ZFPM2: variants seen among roughly 807,000 people sequenced by gnomAD.
ZFPM2 encodes zinc finger protein ZFPM2.
ZFPM2 carries 20 observed loss-of-function variants against 98.6 expected under a neutral mutation model. That is an observed-to-expected ratio of 0.20 (90% CI 0.14 to 0.29). The LOEUF (loss-of-function observed/expected upper bound fraction) is 0.29, where lower values mean the gene tolerates loss of function less well. Among genes scored for constraint, ZFPM2 ranks in the 10% least tolerant of loss-of-function variants. ZFPM2 has a pLI of 1.00. For synonymous variants in ZFPM2, 518 were observed against 502.7 expected (o/e 1.03, Z -0.41); for missense variants, 1,310 against 1,388.6 (o/e 0.94, Z 0.90).
rs540503064 is a variant in ZFPM2 at position 105,560,076 on chromosome 8, C to T, written c.302-1287C>T. Among the ~76,000 whole-genome samples, 41 of 150,802 alleles carry T rather than the reference C, an allele frequency of 2.7e-4. 2 individuals are homozygous for T. In the South Asian group the frequency reaches 8.6e-3, roughly 32 times the overall value. The stretch of plus-strand genomic sequence containing the variant: ...ACAAAATTAGCCGGACCTGATGGCG[C>T]TTTGCCTGTAATCTCAGCTATCTGG... On this transcript the variant is annotated intron_variant, in intron 3 of 7. Coordinates refer to ENST00000407775, the MANE Select transcript of ZFPM2 (RefSeq NM_012082.4).
At chr8:105,381,738 CAAAGATAGCCTCTGG>C (rs1367638892) in intron 1 of ZFPM2, among the ~76,000 whole-genome samples, 1 of 152,052 alleles carries the variant, frequency 6.6e-6, no homozygotes, top group African/African-American at 2.4e-5. Context: ...ATATTTTCCC[CAAAGATAGCCTCTGG>C]AAAGCAGCAA....
At chr8:105,330,118 C>T (rs974512580) in intron 1 of ZFPM2, among the ~76,000 whole-genome samples, 1 of 151,418 alleles carries the variant, frequency 6.6e-6, no homozygotes, top group Non-Finnish European at 1.5e-5. Context: ...AAATGGTTTC[C>T]AGTGTTAGCC....
chr8:105,472,180 G>T (rs569532562), intron 3 of ZFPM2, among the ~76,000 whole-genome samples: 15 of 152,204 alleles, frequency 9.9e-5, no homozygotes, highest in Non-Finnish European at 1.8e-4. Context: ...TGCTTTCAAA[G>T]AATCAAACTA....
intron 5 of ZFPM2, among the ~76,000 whole-genome samples, chr8:105,679,682 A>C (rs1810555699): frequency 6.6e-6 from 1 of 151,966 alleles, no homozygotes; most frequent in African/African-American, 2.4e-5. Context: ...CTGTAGTCCC[A>C]GCTACTTGGG....
intron 5 of ZFPM2, among the ~76,000 whole-genome samples, chr8:105,761,177 A>C (rs182826614): frequency 2.0e-4 from 31 of 152,110 alleles, no homozygotes; most frequent in African/African-American, 7.2e-4. Context: ...CAGTACACAG[A>C]TCCAATGGAA....
chr8:105,668,285 T>C (rs1817525463), intron 5 of ZFPM2, among the ~76,000 whole-genome samples: 1 of 152,220 alleles, frequency 6.6e-6, no homozygotes, highest in Non-Finnish European at 1.5e-5. Flanking sequence ...TTTTTAAACA[T>C]GTGCTGGCCT....
chr8:105,380,759 CAT>C (rs1373975839), intron 1 of ZFPM2, among the ~76,000 whole-genome samples: 1 of 30,130 alleles, frequency 3.3e-5, no homozygotes, highest in East Asian at 1.0e-3. Context: ...TTATATATAA[CAT>C]ATATAATATA....
At chr8:105,764,888 GAGAAGTTTGAT>G (rs1283732137) in intron 5 of ZFPM2, among the ~76,000 whole-genome samples, 1 of 151,782 alleles carries the variant, frequency 6.6e-6, no homozygotes, top group Non-Finnish European at 1.5e-5. Flanking sequence ...CTAGTGTGCA[GAGAAGTTTGAT>G]TTACCTGTCT....
intron 5 of ZFPM2, among the ~76,000 whole-genome samples, chr8:105,730,617 T>G (rs186164451): frequency 6.6e-6 from 1 of 151,830 alleles, no homozygotes; most frequent in African/African-American, 2.4e-5. Context: ...CCTGATGGCT[T>G]AACTCTCTTA....
In ZFPM2 at chr8:105,802,285, A is replaced by T; in HGVS notation, c.2203A>T (p.Thr735Ser). 6.2e-7 allele frequency: 1 copy of T among 1,613,834 alleles called. No individual in the cohort carries two copies. Among genetic ancestry groups the T allele is most frequent in the East Asian group, 2.2e-5 (1 of 44,834 alleles). ...KVPAMQRTMR[T>S]RKRRKMYEMC... ...GCCTGCCATGCAGAGAACCATGCGCACACGCAAGCGCAGAAAGATGTATGA... is the reference window on the plus strand; with the variant it reads ...GCCTGCCATGCAGAGAACCATGCGCTCACGCAAGCGCAGAAAGATGTATGA... The change falls in exon 8 of 8, where the codon ACA (threonine) becomes TCA (serine). Residue 735 changes from threonine (T) to serine (S), a missense_variant. By Grantham distance (58) the Thr-to-Ser change is moderately conservative. Transcript: ENST00000407775.
intron 4 of ZFPM2, among the ~76,000 whole-genome samples, chr8:105,604,065 T>C (rs1227146500): frequency 6.6e-6 from 1 of 152,060 alleles, no homozygotes; most frequent in East Asian, 1.9e-4. Flanking sequence ...CTCATATTTG[T>C]AATTGCCTAC....
In ZFPM2 at chr8:105,802,097, A is replaced by G. The variant is rs760513139; in HGVS notation, c.2015A>G (p.Asn672Ser). 1 of 1,613,848 alleles carries G rather than the reference A, an allele frequency of 6.2e-7. No homozygotes were observed. The highest frequency in any genetic ancestry group is 8.5e-7 in the Non-Finnish European group (1 of 1,179,876). ...AATGGAAAACCTGTTGATGTGAAAAATCCCAGTGTCCCCTTAGTGGATGGG... is the reference window on the plus strand; with the variant it reads ...AATGGAAAACCTGTTGATGTGAAAAGTCCCAGTGTCCCCTTAGTGGATGGG... Reference protein sequence around the residue: ...KINGKPVDVKNPSVPLVDGES... With the variant: ...KINGKPVDVKSPSVPLVDGES... Residue 672 changes from asparagine (N) to serine (S), a missense_variant, in exon 8 of 8, where the codon AAT becomes AGT. Asn to Ser is a conservative substitution (Grantham distance 46). Coordinates refer to ENST00000407775, the MANE Select transcript of ZFPM2 (RefSeq NM_012082.4).
In ZFPM2 at chr8:105,318,468, G is replaced by C. The variant is rs1010387184; in HGVS notation, c.-474G>C. Among the ~76,000 whole-genome samples, 3 of 151,070 alleles carry C rather than the reference G, an allele frequency of 2.0e-5. No homozygotes were observed. Among genetic ancestry groups the C allele is most frequent in the African/African-American group, 7.3e-5 (3 of 41,250 alleles). On this transcript the variant is annotated 5_prime_UTR_variant, in exon 1 of 8. Coordinates refer to ENST00000407775, the MANE Select transcript of ZFPM2 (RefSeq NM_012082.4). ...AGGAGCTGCGCGGCCCGGAGCGGCG[G>C]CGGCGGCGCCGGAGTATCCGTCCCG...
At chr8:105,399,800 T>C (rs1356301476) in intron 1 of ZFPM2, among the ~76,000 whole-genome samples, 3 of 152,212 alleles carry the variant, frequency 2.0e-5, no homozygotes, top group Non-Finnish European at 4.4e-5. Flanking sequence ...GAAGTCTTGC[T>C]CTGTGTCCAG....
chr8:105,714,328 T>G (rs1811468893), intron 5 of ZFPM2, among the ~76,000 whole-genome samples: 1 of 152,074 alleles, frequency 6.6e-6, no homozygotes, highest in African/African-American at 2.4e-5. Flanking sequence ...ATCCTGAAAC[T>G]TTACTGAAGT....
At chr8:105,683,817 T>G (rs1354079038) in intron 5 of ZFPM2, among the ~76,000 whole-genome samples, 1 of 152,188 alleles carries the variant, frequency 6.6e-6, no homozygotes, top group African/African-American at 2.4e-5. Flanking sequence ...TTAATACATT[T>G]GTTAAATTCT....
At chr8:105,383,679 G>A (rs1810931429) in intron 1 of ZFPM2, among the ~76,000 whole-genome samples, 1 of 152,044 alleles carries the variant, frequency 6.6e-6, no homozygotes, top group South Asian at 2.1e-4. Flanking sequence ...GTGGTCCGGA[G>A]TATATGAAAA....
intron 5 of ZFPM2, among the ~76,000 whole-genome samples, chr8:105,668,578 T>C (rs1440519531): frequency 6.6e-6 from 1 of 152,208 alleles, no homozygotes; most frequent in African/African-American, 2.4e-5. Flanking sequence ...TTATAAGAAT[T>C]GTTCAGGATG....
intron 5 of ZFPM2, among the ~76,000 whole-genome samples, chr8:105,637,315 A>G (rs1816864992): frequency 6.6e-6 from 1 of 152,104 alleles, no homozygotes; most frequent in South Asian, 2.1e-4. Flanking sequence ...ATCCCTAGAA[A>G]TCACAAAATA....
Sources: gnomAD v4.1 joint callset for allele counts (sites outside exome capture counted in the v4.1 genomes callset) on GRCh38, gnomAD v4.1.1 for gene constraint, MANE v1.5 for transcripts, NCBI Gene and HGNC (gene_info 2026-07-23, HGNC 2026-07-21) for gene names.